Variants in TENM2 observed in about 807,000 individuals in gnomAD.
TENM2 encodes the protein teneurin-2.
Under a neutral mutation model 245.2 loss-of-function variants are expected in TENM2, and 52 were observed. The ratio of observed to expected loss-of-function variants is 0.21; its 90% CI spans 0.17 to 0.27. The LOEUF is 0.27. Among genes scored for constraint, TENM2 ranks in the 10% least tolerant of loss-of-function variants. The pLI is 1.00. For synonymous variants in TENM2, 1,363 were observed against 1,438.9 expected (o/e 0.95, Z 1.19); for missense variants, 3,046 against 3,666.8 (o/e 0.83, Z 4.37).
rs180836785 is a variant in TENM2 at position 167,519,852 on chromosome 5, A to T, written c.502+144379A>T. ...ACAGTCAGTTCGGATTTATATTGGCACTCCAAGAACCGATGTCAAACTAAA... is the reference window on the plus strand; with the variant it reads ...ACAGTCAGTTCGGATTTATATTGGCTCTCCAAGAACCGATGTCAAACTAAA... On this transcript the variant is annotated intron_variant, in intron 2 of 28. Transcript: ENST00000518659. Among the ~76,000 whole-genome samples, 4 of 152,240 alleles carry T rather than the reference A, an allele frequency of 2.6e-5. 1 individual carries two copies. The highest frequency in any genetic ancestry group is 2.0e-4 in the Admixed American group (3 of 15,290).
intron 5 of TENM2, among the ~76,000 whole-genome samples, chr5:167,993,410 T>C (rs1344171836): frequency 6.6e-6 from 1 of 152,222 alleles, no homozygotes; most frequent in Non-Finnish European, 1.5e-5. Flanking sequence ...AGAAGGGAAA[T>C]TAAGCATCCT....
chr5:167,553,714 C>G (rs1191678174), intron 2 of TENM2, among the ~76,000 whole-genome samples: 1 of 152,150 alleles, frequency 6.6e-6, no homozygotes, highest in Non-Finnish European at 1.5e-5. Context: ...ATGAGACCAG[C>G]ACAAAATCCA....
Position 167,838,922 on chromosome 5 carries a change from C to T in TENM2, c.503-37064C>T, listed in dbSNP as rs958272987. ...TTTATAAGCACCTGATGGCTGAGAC[C>T]GCAGGGCGTGGAGTCAGAAATTGGT... On this transcript the variant is annotated intron_variant, in intron 2 of 28. Coordinates refer to ENST00000518659, the Ensembl canonical transcript of TENM2. Among the ~76,000 whole-genome samples the T allele has an allele frequency of 1.2e-4, 19 of 152,214 alleles. No individual in the cohort carries two copies. The Middle Eastern group carries it at 0.01, about 82-fold the overall frequency.
intron 2 of TENM2, among the ~76,000 whole-genome samples, chr5:167,859,388 C>G (rs1440856683): frequency 3.6e-5 from 5 of 140,574 alleles, no homozygotes; most frequent in African/African-American, 7.9e-5. Flanking sequence ...TGGGGGGGGT[C>G]AGCCCCCCGC....
chr5:167,624,379 G>C (rs1360988912), intron 2 of TENM2, among the ~76,000 whole-genome samples: 1 of 152,130 alleles, frequency 6.6e-6, no homozygotes, highest in Non-Finnish European at 1.5e-5. Context: ...GGCTAGTCAT[G>C]GACATAAAGA....
At chr5:167,965,258 GT>G (rs1164025836) in intron 4 of TENM2, 1 of 152,170 alleles carries the variant, frequency 6.6e-6, no homozygotes, top group East Asian at 1.9e-4. Context: ...CAAAAGTTCA[GT>G]TTTGGACATG....
chr5:167,739,835 T>C (rs1314559899), intron 2 of TENM2, among the ~76,000 whole-genome samples: 1 of 152,210 alleles, frequency 6.6e-6, no homozygotes, highest in African/African-American at 2.4e-5. Context: ...CCTTGAGCAC[T>C]GAAATGACAC....
chr5:167,291,362 A>G (rs779159715), intron 1 of TENM2, among the ~76,000 whole-genome samples: 17 of 152,208 alleles, frequency 1.1e-4, no homozygotes, highest in Non-Finnish European at 2.2e-4. Context: ...GGCAGACATC[A>G]CCAGTAATCT....
intron 2 of TENM2, among the ~76,000 whole-genome samples, chr5:167,705,447 A>G (rs1259847416): frequency 6.6e-6 from 1 of 152,168 alleles, no homozygotes; most frequent in Non-Finnish European, 1.5e-5. Context: ...GGAACTTTAG[A>G]AGACGTTCTT....
chr5:168,154,297 C>A (rs942756945), intron 12 of TENM2, among the ~76,000 whole-genome samples: 1 of 152,074 alleles, frequency 6.6e-6, no homozygotes. Context: ...ACTGCTGCAA[C>A]CTCCACCCAC....
At chr5:167,708,070 G>T (rs1758654593) in intron 2 of TENM2, among the ~76,000 whole-genome samples, 1 of 152,158 alleles carries the variant, frequency 6.6e-6, no homozygotes, top group African/African-American at 2.4e-5. Flanking sequence ...ACAGTCCAGG[G>T]TTGGATAGAC....
chr5:167,116,066 C>G, the TENM2 span, among the ~76,000 whole-genome samples: 1 of 152,178 alleles, frequency 6.6e-6, no homozygotes, highest in African/African-American at 2.4e-5. Flanking sequence ...TTATTTCTGC[C>G]TGGGACAGAA....
At chr5:167,548,362 C>T (rs757570098) in intron 2 of TENM2, among the ~76,000 whole-genome samples, 14 of 152,138 alleles carry the variant, frequency 9.2e-5, no homozygotes, top group Admixed American at 7.9e-4. Flanking sequence ...GTACTGCTCT[C>T]GTGAGAAGGA....
chr5:167,460,792 C>G (rs1766249072), intron 2 of TENM2, among the ~76,000 whole-genome samples: 1 of 152,166 alleles, frequency 6.6e-6, no homozygotes, highest in Non-Finnish European at 1.5e-5. Context: ...TAAATGTCTA[C>G]TCCATTTGCC....
chr5:167,243,377 C>T, the TENM2 span, among the ~76,000 whole-genome samples: 1 of 151,976 alleles, frequency 6.6e-6, no homozygotes, highest in Non-Finnish European at 1.5e-5. Flanking sequence ...AGGATTTTAC[C>T]CTAGGAATTG....
At chr5:167,445,336 T>TATATATATAGAGAG (rs368881390) in intron 2 of TENM2, among the ~76,000 whole-genome samples, 11 of 77,302 alleles carry the variant, frequency 1.4e-4, no homozygotes, top group African/African-American at 5.0e-4. Flanking sequence ...TATATATATA[T>TATATATATAGAGAG]AGAGAGAGAG....
chr5:167,831,121 C>T (rs1036408741), intron 2 of TENM2, among the ~76,000 whole-genome samples: 3 of 152,024 alleles, frequency 2.0e-5, no homozygotes, highest in South Asian at 4.2e-4. Flanking sequence ...TTCTTCTTCT[C>T]CTTCTCTCTT....
At chr5:167,063,602 G>A in the TENM2 span, among the ~76,000 whole-genome samples, 1 of 152,152 alleles carries the variant, frequency 6.6e-6, no homozygotes. Context: ...TGTTCACTCA[G>A]CCTTTCAGTA....
At chr5:168,101,295 A>G (rs1793792641) in intron 9 of TENM2, among the ~76,000 whole-genome samples, 1 of 152,210 alleles carries the variant, frequency 6.6e-6, no homozygotes, top group African/African-American at 2.4e-5. Flanking sequence ...CTGAACCCTC[A>G]GCCGCACGGC....
Sources: allele counts gnomAD v4.1 joint callset (sites outside exome capture counted in the v4.1 genomes callset), GRCh38; gene constraint gnomAD v4.1.1; transcripts MANE v1.5; gene names NCBI Gene and HGNC (gene_info 2026-07-23, HGNC 2026-07-21).